WDR70: variants seen among roughly 807,000 people sequenced by gnomAD.
WDR70 encodes WD repeat-containing protein 70.
A neutral mutation model predicts 88.6 loss-of-function variants in WDR70; 53 were observed. The observed-to-expected ratio is 0.60, with a 90% CI of 0.48 to 0.75. The LOEUF is 0.75. Among genes scored for constraint, WDR70 ranks in the 30% least tolerant of loss-of-function variants. WDR70 has a pLI of 0.00. For synonymous variants in WDR70, 280 were observed against 270.0 expected (o/e 1.04, Z -0.36); for missense variants, 610 against 823.2 (o/e 0.74, Z 3.17).
intron 9 of WDR70, among the ~76,000 whole-genome samples, chr5:37,577,243 A>G (rs1305770835): frequency 6.6e-6 from 1 of 152,152 alleles, no homozygotes; most frequent in African/African-American, 2.4e-5. Context: ...GATGATAATG[A>G]TAAAATAATA....
intron 10 of WDR70, among the ~76,000 whole-genome samples, chr5:37,657,456 G>A (rs1226845511): frequency 3.3e-5 from 5 of 152,182 alleles, no homozygotes; most frequent in Middle Eastern, 3.4e-3. Flanking sequence ...CAGCCACCCC[G>A]GGCTTCATTT....
At chr5:37,480,518 G>A (rs1018136175) in intron 8 of WDR70, among the ~76,000 whole-genome samples, 12 of 152,128 alleles carry the variant, frequency 7.9e-5, no homozygotes, top group Admixed American at 6.5e-4. Context: ...CTTACATGGC[G>A]GCAGGCAGGA....
At chr5:37,599,275 TTTTATACATGTACACAGTAATTGCAC>T (rs1486960460) in intron 9 of WDR70, among the ~76,000 whole-genome samples, 1 of 152,196 alleles carries the variant, frequency 6.6e-6, no homozygotes, top group Non-Finnish European at 1.5e-5. Flanking sequence ...TGGACACAAT[TTTTATACATGTACACAGTAATTGCAC>T]TAAGAATACA....
chr5:37,466,089 A>G (rs1324085495), intron 7 of WDR70, among the ~76,000 whole-genome samples: 1 of 152,142 alleles, frequency 6.6e-6, no homozygotes, highest in Non-Finnish European at 1.5e-5. Flanking sequence ...AGCATGGTGA[A>G]TAACGAATTT....
intron 10 of WDR70, among the ~76,000 whole-genome samples, chr5:37,693,100 C>A (rs1746860538): frequency 6.6e-6 from 1 of 152,128 alleles, no homozygotes; most frequent in East Asian, 1.9e-4. Context: ...CATGAGTGAA[C>A]TCCCATTCAC....
intron 10 of WDR70, among the ~76,000 whole-genome samples, chr5:37,629,897 C>T (rs747376674): frequency 6.6e-6 from 1 of 151,928 alleles, no homozygotes; most frequent in Non-Finnish European, 1.5e-5. Flanking sequence ...GTCGCCTCTT[C>T]CAATTTTATT....
chr5:37,523,580 C>A (rs1002125625), intron 9 of WDR70, among the ~76,000 whole-genome samples: 1 of 152,174 alleles, frequency 6.6e-6, no homozygotes, highest in Non-Finnish European at 1.5e-5. Flanking sequence ...CGCCTCTCCC[C>A]CTCCAAAGGA....
chr5:37,438,707 A>G (rs1017074452), intron 6 of WDR70, among the ~76,000 whole-genome samples: 1 of 152,208 alleles, frequency 6.6e-6, no homozygotes, highest in African/African-American at 2.4e-5. Context: ...AGGTAGACCC[A>G]GAAATGATAT....
At chr5:37,730,296 C>A (rs1005255490) in intron 17 of WDR70, among the ~76,000 whole-genome samples, 14 of 152,052 alleles carry the variant, frequency 9.2e-5, no homozygotes, top group Non-Finnish European at 1.8e-4. Flanking sequence ...AATATGTCAG[C>A]AACTTTTTTT....
chr5:37,398,087 ATTT>A (rs756446462), intron 5 of WDR70, among the ~76,000 whole-genome samples: 5 of 121,382 alleles, frequency 4.1e-5, no homozygotes, highest in Non-Finnish European at 5.0e-5. Flanking sequence ...GGGGTAGATA[ATTT>A]TTTTTTTTTT....
At chr5:37,745,000 G>A (rs574659828) in intron 17 of WDR70, among the ~76,000 whole-genome samples, 44 of 151,378 alleles carry the variant, frequency 2.9e-4, no homozygotes, top group East Asian at 2.1e-3. Flanking sequence ...CTCCAAGGTC[G>A]AACTGTTAAG....
intron 9 of WDR70, among the ~76,000 whole-genome samples, chr5:37,604,638 A>C (rs1743978575): frequency 6.6e-6 from 1 of 152,056 alleles, no homozygotes; most frequent in Non-Finnish European, 1.5e-5. Context: ...TTAATGACTT[A>C]TTTTTCAGTG....
chr5:37,733,407 A>G (rs764593166), intron 17 of WDR70, among the ~76,000 whole-genome samples: 40 of 152,228 alleles, frequency 2.6e-4, no homozygotes, highest in Non-Finnish European at 4.7e-4. Context: ...CCATTTTTCA[A>G]CCTACCATAG....
chr5:37,564,100 C>T (rs1164224771), intron 9 of WDR70, among the ~76,000 whole-genome samples: 5 of 149,922 alleles, frequency 3.3e-5, no homozygotes, highest in South Asian at 2.2e-4. Context: ...CAGGCAGAGA[C>T]GCTCCTCACT....
At chr5:37,697,606 C>T (rs898312467) in intron 10 of WDR70, 49 bp from the exon 11 acceptor site, 2 of 1,488,552 alleles carry the variant, frequency 1.3e-6, no homozygotes, top group Admixed American at 3.4e-5. Context: ...AAACTGTTCT[C>T]TTCTGAATTG....
At chr5:37,445,864 C>T (rs1380410377) in intron 7 of WDR70, among the ~76,000 whole-genome samples, 2 of 152,184 alleles carry the variant, frequency 1.3e-5, no homozygotes, top group East Asian at 1.9e-4. Context: ...GAAGCATTCC[C>T]TTTGAAAACT....
chr5:37,620,123 T>C (rs1014555394), intron 10 of WDR70: 5 of 152,156 alleles, frequency 3.3e-5, no homozygotes, highest in Non-Finnish European at 7.4e-5. Context: ...TCATTTTTTA[T>C]GGTTCTTAGC....
At chr5:37,490,474 A>G (rs1740034301) in intron 8 of WDR70, among the ~76,000 whole-genome samples, 2 of 152,072 alleles carry the variant, frequency 1.3e-5, no homozygotes, top group Non-Finnish European at 2.9e-5. Context: ...CTTTGTCTCC[A>G]CTTCCCCTAT....
rs374684974 is a variant in WDR70, at chr5:37,532,972, T to C, written c.917+16382T>C. Among the ~76,000 whole-genome samples, 18 of 152,286 alleles carry C rather than the reference T, an allele frequency of 1.2e-4. No homozygotes were observed. In the East Asian group the frequency reaches 2.9e-3, roughly 25 times the overall value. ...GGGGTGCTCCCTTGATGTGTTGTTC[T>C]CCCCTTTCTCCTAGGAATGAGGCTC... On this transcript the variant is annotated intron_variant, in intron 9 of 17. Transcript: ENST00000265107.
Sources: allele counts gnomAD v4.1 joint callset (sites outside exome capture counted in the v4.1 genomes callset), GRCh38; gene constraint gnomAD v4.1.1; transcripts MANE v1.5; gene names NCBI Gene and HGNC (gene_info 2026-07-23, HGNC 2026-07-21).